SCAF1: variants seen among roughly 807,000 people sequenced by gnomAD.
The protein encoded by SCAF1 is splicing factor, arginine/serine-rich 19.
A neutral mutation model predicts 91.2 loss-of-function variants in SCAF1; 28 were observed. That is an observed-to-expected ratio of 0.31 (90% CI 0.23 to 0.42). SCAF1 has a LOEUF of 0.42. Ranked by LOEUF, SCAF1 falls within the 10% of genes least tolerant of loss-of-function variation. The pLI, the probability that SCAF1 is intolerant of heterozygous loss-of-function variation, is 1.00. For synonymous variants in SCAF1, 1,036 were observed against 833.7 expected (o/e 1.24, Z -4.18); for missense variants, 1,893 against 1,872.1 (o/e 1.01, Z -0.21).
In SCAF1 at chr19:49,653,715, C is replaced by T; in HGVS notation, c.3316+10C>T. On this transcript the variant is annotated intron_variant, in intron 7 of 10. Coordinates refer to ENST00000360565, the MANE Select transcript of SCAF1 (RefSeq NM_021228.3). ...AGCGGCGTCCTGGCCTGTGAGTGTC[C>T]CCTGGGGGAGGGTGGTGCTGGGGCA... The T allele has an allele frequency of 6.5e-7, 1 of 1,527,872 alleles. No individual in the cohort carries two copies. The highest frequency in any genetic ancestry group is 8.7e-7 in the Non-Finnish European group (1 of 1,143,212). The allele number at this position is 1,527,872 out of a possible 1,614,324, so 94.6% of individuals were successfully genotyped here. A position where few individuals can be genotyped will look rare whatever the true frequency, so the allele number is the denominator to read the frequency against.
At chr19:49,644,768 C>A in intron 1 of SCAF1, 1 of 347,088 alleles carries the variant, frequency 2.9e-6, no homozygotes. Context: ...GCCAGGGAGG[C>A]CTCCCTTTGA....
chr19:49,643,071 G>T (rs190185300), intron 1 of SCAF1, among the ~76,000 whole-genome samples: 2 of 152,292 alleles, frequency 1.3e-5, no homozygotes, highest in East Asian at 3.9e-4. Flanking sequence ...ATAATAATAC[G>T]GAAAGAGAAT....
intron 6 of SCAF1, among the ~76,000 whole-genome samples, chr19:49,650,593 G>A (rs113753716): frequency 2.0e-5 from 3 of 152,264 alleles, no homozygotes; most frequent in Non-Finnish European, 2.9e-5. Context: ...GTTCGGGGCC[G>A]CACTGACTGA....
chr19:49,646,471 T>C lies in SCAF1; in HGVS notation c.262-55T>C. 6.7e-7 allele frequency: 1 copy of C among 1,486,492 alleles called. No individual in the cohort carries two copies. 92.1% of individuals were successfully genotyped at this position (1,486,492 alleles called of 1,614,324 possible). On this transcript the variant is annotated intron_variant, in intron 4 of 10. Coordinates refer to ENST00000360565, the MANE Select transcript of SCAF1 (RefSeq NM_021228.3). This position sits in a 1 kb window ranked among gnomAD's most constrained non-coding sequence, Gnocchi z 5.6. ...GAGGTTAGGGAGTGGGGAAGCAGGA[T>C]TTGCCAGTCTTCATGTGACCAGGGA... is the stretch of plus-strand genomic sequence containing the variant.
Position 49,652,105 on chromosome 19 carries a change from CCG to C in SCAF1, c.1718_1719del (p.Arg573LeufsTer79). On this transcript the variant is annotated frameshift_variant, in exon 7 of 11. Coordinates refer to ENST00000360565, the MANE Select transcript of SCAF1 (RefSeq NM_021228.3). LOFTEE classifies it high-confidence loss of function. ...GSHASSSARR[R>X]SRSRSRSRST... ...CCCACGCCTCGTCGTCCGCCCGCCG[CCG>C]CTCCCGCTCCCGCTCCCGCTCCCGC... 1 of 421,464 alleles carries C rather than the reference CCG, an allele frequency of 2.4e-6. No homozygotes were observed. 26.1% of individuals were successfully genotyped at this position (421,464 alleles called of 1,614,324 possible).
upstream of SCAF1, among the ~76,000 whole-genome samples, chr19:49,641,320 A>T (rs1043325215): frequency 6.6e-6 from 1 of 151,902 alleles, no homozygotes; most frequent in African/African-American, 2.4e-5. Context: ...GTTTATTTTT[A>T]TTTGTTTATT....
At chr19:49,648,935 A>C (rs926555047) in intron 6 of SCAF1, among the ~76,000 whole-genome samples, 1 of 147,780 alleles carries the variant, frequency 6.8e-6, no homozygotes, top group African/African-American at 2.5e-5. Context: ...GTGCCACTGC[A>C]CTCCAGCCTG....
In SCAF1 at chr19:49,642,469, G is replaced by A. The variant is rs2122440618; in HGVS notation, c.-7+227G>A. Among the ~76,000 whole-genome samples, 1 of 152,250 alleles carries A rather than the reference G, an allele frequency of 6.6e-6. No individual in the cohort carries two copies. The highest frequency in any genetic ancestry group is 1.9e-4 in the East Asian group (1 of 5,174). On this transcript the variant is annotated intron_variant, in intron 1 of 10. Transcript: ENST00000360565. This position sits in a 1 kb window ranked among gnomAD's most constrained non-coding sequence, Gnocchi z 4.0. ...GGGTTCCTGGGGGCGTCTATGGGGC[G>A]TCTCCGAGAGGACTTGGGGCGTCTC...
At chr19:49,643,335 T>A (rs2081037578) in intron 1 of SCAF1, among the ~76,000 whole-genome samples, 1 of 152,224 alleles carries the variant, frequency 6.6e-6, no homozygotes, top group East Asian at 1.9e-4. Flanking sequence ...TCATAATGTA[T>A]TTAACATTAT....
chr19:49,654,784 AC>A lies in SCAF1; in HGVS notation c.3540del (p.Thr1181ProfsTer28). 5 of 1,605,982 alleles carry A rather than the reference AC, an allele frequency of 3.1e-6. No individual in the cohort carries two copies. Among genetic ancestry groups the A allele is most frequent in the East Asian group, 2.2e-5 (1 of 44,640 alleles). On this transcript the variant is annotated frameshift_variant, in exon 9 of 11. Coordinates refer to ENST00000360565, the MANE Select transcript of SCAF1 (RefSeq NM_021228.3). LOFTEE classifies it high-confidence loss of function. ...GSLPLGGCGS[T>X]PPTPTGLAAT... ...CCTCCCTCTGGGGGGCTGCGGTTCG[AC>A]CCCCCCCACCCCCACCGGGCTGGCT... is the stretch of plus-strand genomic sequence containing the variant.
chr19:49,651,940 G>T lies in SCAF1; in HGVS notation c.1551G>T (p.Lys517Asn). The T allele has an allele frequency of 8.4e-7, 1 of 1,187,830 alleles. No homozygotes were observed. Among genetic ancestry groups the T allele is most frequent in the Non-Finnish European group, 1.1e-6 (1 of 951,254 alleles). The allele number at this position is 1,187,830 out of a possible 1,614,324, so 73.6% of individuals were successfully genotyped here. Reference protein sequence around the residue: ...PAAAAGPPTRKKSRRERKRSG... With the variant: ...PAAAAGPPTRNKSRRERKRSG... ...CCGCTGCTGGTCCGCCCACGCGCAA[G>T]AAGTCCAGGCGGGAACGCAAGCGCA... The change falls in exon 7 of 11, where the codon AAG becomes AAT. Residue 517 changes from lysine to asparagine, a missense_variant. Around this residue, in one of 5 missense-constraint regions of SCAF1, gnomAD observed 1,436 missense variants for 1,306.8 expected, o/e 1.10. Transcript: ENST00000360565.
chr19:49,653,932 G>C (rs2081121855), intron 7 of SCAF1, among the ~76,000 whole-genome samples: 1 of 152,206 alleles, frequency 6.6e-6, no homozygotes, highest in Non-Finnish European at 1.5e-5. Context: ...GGAGTGGTGG[G>C]CTGGGTTCTG....
At chr19:49,654,296 C>A (rs2122512780) in intron 7 of SCAF1, 53 bp from the exon 8 acceptor site, 1 of 1,515,360 alleles carries the variant, frequency 6.6e-7, no homozygotes, top group Middle Eastern at 1.7e-4. Flanking sequence ...TTCACCAGCT[C>A]CTGTCCTGTC....
chr19:49,656,222 C>T (rs1228713422), intron 9 of SCAF1, among the ~76,000 whole-genome samples: 2 of 152,194 alleles, frequency 1.3e-5, no homozygotes, highest in Admixed American at 1.3e-4. Flanking sequence ...CTGCCCTTTG[C>T]CCCGCTTTGC....
intron 8 of SCAF1, 22 bp from the exon 9 acceptor site, chr19:49,654,629 AC>A (rs1233465000): frequency 6.3e-7 from 1 of 1,577,148 alleles, no homozygotes; most frequent in Non-Finnish European, 8.7e-7. Context: ...TTTACTCATC[AC>A]CCCTCTGTCC....
At chr19:49,648,643 T>C (rs1407203652) in intron 6 of SCAF1, among the ~76,000 whole-genome samples, 2 of 150,360 alleles carry the variant, frequency 1.3e-5, no homozygotes, top group Non-Finnish European at 3.0e-5. Context: ...ATGACATTCT[T>C]AGGGGCCCAC....
chr19:49,654,261 G>A, intron 7 of SCAF1, 88 bp from the exon 8 acceptor site: 3 of 1,135,852 alleles, frequency 2.6e-6, no homozygotes, highest in Non-Finnish European at 3.9e-6. Context: ...AAGGGCAGGA[G>A]ATGACAGCAG....
chr19:49,652,781 C>T lies in SCAF1; in HGVS notation c.2392C>T (p.Pro798Ser), dbSNP rs1463475526. 24 of 1,613,246 alleles carry T rather than the reference C, an allele frequency of 1.5e-5. No individual in the cohort carries two copies. Among genetic ancestry groups the T allele is most frequent in the Non-Finnish European group, 2.0e-5 (24 of 1,179,822 alleles). The change falls in exon 7 of 11, where the codon CCC becomes TCC. Residue 798 changes from proline to serine, a missense_variant. Pro to Ser is a moderately conservative substitution (Grantham distance 74). Transcript: ENST00000360565. ...RDRSSKKARPPKESAPSSGPP... is the reference protein window; with the variant it reads ...RDRSSKKARPSKESAPSSGPP... ...CAGGTCATCCAAGAAGGCCCGGCCC[C>T]CCAAGGAGTCGGCGCCTTCCTCAGG...
intron 1 of SCAF1, chr19:49,644,758 G>T (rs1242871842): frequency 3.1e-6 from 1 of 327,772 alleles, no homozygotes; most frequent in Non-Finnish European, 5.6e-6. Context: ...AAAAGCGGAG[G>T]CCAGGGAGGC....
Sources: gnomAD v4.1 joint callset for allele counts (sites outside exome capture counted in the v4.1 genomes callset) on GRCh38, gnomAD v4.1.1 for gene constraint, gnomAD v4.1.1 regional missense constraint, Gnocchi (gnomAD v3.1) non-coding constraint, MANE v1.5 for transcripts, NCBI Gene and HGNC (gene_info 2026-07-23, HGNC 2026-07-21) for gene names.